Variants in FUT8 observed in about 807,000 individuals in gnomAD.
The protein encoded by FUT8 is fucosyltransferase 8.
FUT8 carries 29 observed loss-of-function variants against 71.3 expected under a neutral mutation model. The observed-to-expected ratio is 0.41, with a 90% CI of 0.30 to 0.55. The LOEUF (loss-of-function observed/expected upper bound fraction) is 0.55, where lower values mean the gene tolerates loss of function less well. Ranked by LOEUF, FUT8 falls within the 20% of genes least tolerant of loss-of-function variation. The pLI, the probability that FUT8 is intolerant of heterozygous loss-of-function variation, is 0.34. For missense variants in FUT8, 544 were observed against 702.1 expected, an observed-to-expected ratio of 0.77 and a Z score of 2.55; for synonymous variants, 254 against 239.3, an observed-to-expected ratio of 1.06 and a Z score of -0.57.
At chr14:65,424,995 G>T (rs1176558347) in intron 1 of FUT8, among the ~76,000 whole-genome samples, 4 of 151,646 alleles carry the variant, frequency 2.6e-5, no homozygotes, top group African/African-American at 9.7e-5. Context: ...TTATATGGTT[G>T]TCTATGAATA....
the FUT8 span, among the ~76,000 whole-genome samples, chr14:65,401,747 A>C: frequency 7.8e-4 from 118 of 151,984 alleles, no homozygotes; most frequent in Non-Finnish European, 1.4e-3. Flanking sequence ...AAAATACAAA[A>C]AAATTTGTGG....
At chr14:65,640,667 A>G (rs928498070) in intron 6 of FUT8, among the ~76,000 whole-genome samples, 2 of 152,136 alleles carry the variant, frequency 1.3e-5, no homozygotes, top group Admixed American at 6.5e-5. Flanking sequence ...ACAAAGTGCT[A>G]CATTAGAGAG....
the FUT8 span, among the ~76,000 whole-genome samples, chr14:65,378,044 C>T: frequency 0.027 from 4,072 of 152,204 alleles, 179 homozygotes; most frequent in African/African-American, 0.093. Flanking sequence ...TTCTACCAGA[C>T]CATAAATTAA....
At chr14:65,548,588 T>C (rs1301418685) in intron 2 of FUT8, among the ~76,000 whole-genome samples, 1 of 151,982 alleles carries the variant, frequency 6.6e-6, no homozygotes, top group Non-Finnish European at 1.5e-5. Context: ...TTTTCTTGGG[T>C]GGATTAACTT....
chr14:65,616,752 T>C (rs921736069), intron 5 of FUT8, among the ~76,000 whole-genome samples: 4 of 152,194 alleles, frequency 2.6e-5, no homozygotes, highest in African/African-American at 9.6e-5. Context: ...AGTCCGATGG[T>C]TACATTTCTA....
In FUT8 at chr14:65,458,791, C is replaced by CTTT. The variant is rs748466416; in HGVS notation, c.-228+3087_-228+3089dup. On this transcript the variant is annotated intron_variant, in intron 2 of 10. Coordinates refer to ENST00000673929, the MANE Select transcript of FUT8 (RefSeq NM_001371533.1). ...TCCTTTCCTTTCTTTTCTTTTCTTT[C>CTTT]TTTTTTTTTTTTTTTTGAGACAAGA... Among the ~76,000 whole-genome samples the CTTT allele has an allele frequency of 2.7e-3, 363 of 135,566 alleles. 1 individual carries two copies. The highest frequency in any genetic ancestry group is 9.3e-3 in the African/African-American group (342 of 36,930). 88.9% of individuals were successfully genotyped at this position (135,566 alleles called of 152,430 possible). A position where few individuals can be genotyped will look rare whatever the true frequency, so the allele number is the denominator to read the frequency against.
chr14:65,663,739 T>A (rs543477100), intron 6 of FUT8, among the ~76,000 whole-genome samples: 16 of 152,272 alleles, frequency 1.1e-4, no homozygotes, highest in South Asian at 4.1e-4. Flanking sequence ...TATCTTCAGC[T>A]TGATTTGAGA....
At chr14:65,506,759 C>T (rs1473137531) in intron 2 of FUT8, among the ~76,000 whole-genome samples, 1 of 152,162 alleles carries the variant, frequency 6.6e-6, no homozygotes, top group Non-Finnish European at 1.5e-5. Flanking sequence ...TCCCCTCAAG[C>T]ATTTATCCTT....
chr14:65,385,679 T>C, the FUT8 span, among the ~76,000 whole-genome samples: 14 of 152,108 alleles, frequency 9.2e-5, no homozygotes, highest in Admixed American at 7.9e-4. Context: ...TCTTAGCAAT[T>C]ATGAGTTTTC....
intron 7 of FUT8, among the ~76,000 whole-genome samples, chr14:65,697,316 T>C (rs901171489): frequency 1.8e-4 from 27 of 152,346 alleles, no homozygotes; most frequent in African/African-American, 5.5e-4. Context: ...AATAGGCAGT[T>C]CTTTTAGCTG....
intron 2 of FUT8, among the ~76,000 whole-genome samples, chr14:65,501,417 C>G (rs1384002063): frequency 6.6e-6 from 1 of 152,066 alleles, no homozygotes; most frequent in Non-Finnish European, 1.5e-5. Context: ...GGGTTCAAAA[C>G]CTCTGGAGGG....
chr14:65,403,858 G>T, the FUT8 span, among the ~76,000 whole-genome samples: 3 of 150,788 alleles, frequency 2.0e-5, no homozygotes, highest in African/African-American at 7.3e-5. Flanking sequence ...ACTTGTTTCT[G>T]TAATAGTTCT....
chr14:65,506,941 A>C (rs1412914108), intron 2 of FUT8, among the ~76,000 whole-genome samples: 3 of 152,242 alleles, frequency 2.0e-5, no homozygotes, highest in Admixed American at 1.3e-4. Flanking sequence ...CTGTTTTGCC[A>C]GTCCAGCTGA....
At chr14:65,418,130 C>T (rs1595346888) in intron 1 of FUT8, among the ~76,000 whole-genome samples, 1 of 152,238 alleles carries the variant, frequency 6.6e-6, no homozygotes, top group Admixed American at 6.5e-5. Flanking sequence ...ATTAGTTTTT[C>T]TAATGAATAA....
intron 2 of FUT8, among the ~76,000 whole-genome samples, chr14:65,554,300 T>C (rs1885457403): frequency 6.6e-6 from 1 of 151,572 alleles, no homozygotes; most frequent in Admixed American, 6.6e-5. Context: ...TCCTTTAATA[T>C]ATCAATTACA....
intron 2 of FUT8, among the ~76,000 whole-genome samples, chr14:65,502,801 T>G (rs2066667435): frequency 6.6e-6 from 1 of 152,178 alleles, no homozygotes; most frequent in African/African-American, 2.4e-5. Context: ...CTGCAGAGCT[T>G]CTTCAATTTT....
chr14:65,499,402 G>T (rs1221343545), intron 2 of FUT8, among the ~76,000 whole-genome samples: 1 of 151,822 alleles, frequency 6.6e-6, no homozygotes, highest in Non-Finnish European at 1.5e-5. Flanking sequence ...CAAGTCTCAG[G>T]TTTACCACTT....
At chr14:65,562,035 T>C (rs376847155) in intron 3 of FUT8, among the ~76,000 whole-genome samples, 2 of 152,188 alleles carry the variant, frequency 1.3e-5, no homozygotes, top group Non-Finnish European at 2.9e-5. Flanking sequence ...GAGATTTTTT[T>C]ATTTTTTTTT....
chr14:65,609,866 G>A (rs1888788882), intron 3 of FUT8, among the ~76,000 whole-genome samples: 1 of 151,556 alleles, frequency 6.6e-6, no homozygotes, highest in African/African-American at 2.4e-5. Context: ...TTTATTACTG[G>A]CCTGACAATT....
Sources: gnomAD v4.1 joint callset for allele counts (sites outside exome capture counted in the v4.1 genomes callset) on GRCh38, gnomAD v4.1.1 for gene constraint, MANE v1.5 for transcripts, NCBI Gene and HGNC (gene_info 2026-07-23, HGNC 2026-07-21) for gene names.